PSMF1: variants seen among roughly 807,000 people sequenced by gnomAD.
The protein encoded by PSMF1 is proteasome inhibitor subunit 1, also known as proteasome inhibitor PI31 subunit.
Under a neutral mutation model 29.3 loss-of-function variants are expected in PSMF1, and 30 were observed. The ratio of observed to expected loss-of-function variants is 1.02; its 90% CI spans 0.77 to 1.39. The LOEUF is 1.39. Among genes scored for constraint, PSMF1 ranks in the 40% most tolerant of loss-of-function variants. The pLI is 0.00. For missense variants in PSMF1, 344 were observed against 357.5 expected (o/e 0.96, Z 0.31); for synonymous variants, 134 against 139.7 (o/e 0.96, Z 0.29).
At chr20:1,123,178 A>G (rs546005580) in intron 1 of PSMF1, among the ~76,000 whole-genome samples, 4 of 152,312 alleles carry the variant, frequency 2.6e-5, no homozygotes, top group South Asian at 4.1e-4. Flanking sequence ...AAACCATGAC[A>G]GTTGCGACAT....
chr20:1,121,654 A>T (rs2086089306), intron 1 of PSMF1, among the ~76,000 whole-genome samples: 1 of 152,170 alleles, frequency 6.6e-6, no homozygotes, highest in Admixed American at 6.5e-5. Context: ...GAAGGAGAGG[A>T]AGGTCCCAAG....
intron 1 of PSMF1, among the ~76,000 whole-genome samples, chr20:1,122,404 A>C (rs1011337812): frequency 6.7e-6 from 1 of 149,282 alleles, no homozygotes; most frequent in Non-Finnish European, 1.5e-5. Flanking sequence ...GGTTCAGGCA[A>C]TTCTGCCCCA....
intron 4 of PSMF1, chr20:1,161,134 A>T: frequency 2.5e-6 from 1 of 397,086 alleles, no homozygotes; most frequent in Non-Finnish European, 4.6e-6. Flanking sequence ...GGACCTGACC[A>T]CCTCATGAAG....
chr20:1,165,323 C>G lies in PSMF1; in HGVS notation c.*243C>G. The G allele has an allele frequency of 2.2e-6, 3 of 1,393,998 alleles. No individual in the cohort carries two copies. The highest frequency in any genetic ancestry group is 2.7e-4 in the Middle Eastern group (1 of 3,740). 86.4% of individuals were successfully genotyped at this position (1,393,998 alleles called of 1,614,324 possible). On this transcript the variant is annotated 3_prime_UTR_variant, in exon 7 of 7. Transcript: ENST00000335877. ...GTCTCTTTCACCATCAGCTCCTCCC[C>G]TTTCACCACCAGCTCCTCTCCACTT... is the stretch of plus-strand genomic sequence containing the variant.
rs548258231 is a variant in PSMF1 at position 1,166,539 on chromosome 20, T to G, written c.*1459T>G. On this transcript the variant is annotated 3_prime_UTR_variant, in exon 7 of 7. Coordinates refer to ENST00000335877, the MANE Select transcript of PSMF1 (RefSeq NM_006814.5). Reference sequence around the variant, plus strand: ...GGTAGATGAAAACTAAACTGATGCCTAGGCCCAGGGTCAGTCTCAGATGGA... The same window carrying G: ...GGTAGATGAAAACTAAACTGATGCCGAGGCCCAGGGTCAGTCTCAGATGGA... 4.5e-6 allele frequency: 2 copies of G among 447,732 alleles called. No homozygotes were observed. The highest frequency in any genetic ancestry group is 7.9e-5 in the East Asian group (2 of 25,172). The allele number at this position is 447,732 out of a possible 1,614,324, so 27.7% of individuals were successfully genotyped here.
Position 1,165,076 on chromosome 20 carries a change from TG to T in PSMF1, c.813del (p.Ter272GlufsTer66), listed in dbSNP as rs2086712394. The T allele has an allele frequency of 6.2e-7, 1 of 1,614,058 alleles. No individual in the cohort carries two copies. Among genetic ancestry groups the T allele is most frequent in the African/African-American group, 1.3e-5 (1 of 74,924 alleles). The part of the protein sequence containing the change: ...LPPPGYDDMY[L>X] ...CCGCCGGGCTACGATGACATGTACC[TG>T]TGAAGGCCTCAAGAATGTAACATCC... On this transcript the variant is annotated frameshift_variant, in exon 7 of 7. Coordinates refer to ENST00000335877, the MANE Select transcript of PSMF1 (RefSeq NM_006814.5). LOFTEE classifies it high-confidence loss of function.
At chr20:1,114,213 C>A (rs535947124), upstream of PSMF1, among the ~76,000 whole-genome samples, 1 of 152,334 alleles carries the variant, frequency 6.6e-6, no homozygotes, top group Admixed American at 6.5e-5. Flanking sequence ...CTGAGACATG[C>A]CCCACACTGC....
At chr20:1,146,394 C>T (rs759211767) in intron 4 of PSMF1, among the ~76,000 whole-genome samples, 2 of 151,582 alleles carry the variant, frequency 1.3e-5, no homozygotes. Context: ...TTTAGCTGGA[C>T]AAAAATGATT....
chr20:1,125,661 G>A lies in PSMF1; in HGVS notation c.282+11G>A. ...ATCCTCAATGTGCTGGTGAGTCTCT[G>A]GGACACGTGAGTCTGCTGATGAGAT... On this transcript the variant is annotated intron_variant, in intron 2 of 6. Transcript: ENST00000335877. The A allele has an allele frequency of 6.2e-7, 1 of 1,606,094 alleles. No individual in the cohort carries two copies. The highest frequency in any genetic ancestry group is 8.5e-7 in the Non-Finnish European group (1 of 1,176,512).
chr20:1,124,738 G>T (rs6133961), intron 1 of PSMF1, among the ~76,000 whole-genome samples: 1 of 152,098 alleles, frequency 6.6e-6, no homozygotes. Context: ...GCATTGACAT[G>T]GATACATTTC....
chr20:1,156,626 A>G (rs2086597866), intron 4 of PSMF1, among the ~76,000 whole-genome samples: 1 of 152,254 alleles, frequency 6.6e-6, no homozygotes. Context: ...GGAGAGAAAA[A>G]GAATTGTCAA....
At position 1,165,344 on chromosome 20, in the gene PSMF1, C is replaced by T; in HGVS notation, c.*264C>T. 2 of 1,379,814 alleles carry T rather than the reference C, an allele frequency of 1.4e-6. No homozygotes were observed. Among genetic ancestry groups the T allele is most frequent in the Non-Finnish European group, 1.9e-6 (2 of 1,068,470 alleles). 85.5% of individuals were successfully genotyped at this position (1,379,814 alleles called of 1,614,324 possible). The stretch of plus-strand genomic sequence containing the variant: ...TCCCCTTTCACCACCAGCTCCTCTC[C>T]ACTTCCCAAGGGAGACTCCGGCAAC... On this transcript the variant is annotated 3_prime_UTR_variant, in exon 7 of 7. Coordinates refer to ENST00000335877, the MANE Select transcript of PSMF1 (RefSeq NM_006814.5).
chr20:1,142,848 T>C (rs2086401098), intron 4 of PSMF1, among the ~76,000 whole-genome samples: 1 of 152,256 alleles, frequency 6.6e-6, no homozygotes, highest in Non-Finnish European at 1.5e-5. Context: ...ATCGCCACAC[T>C]GACTTCCACA....
At chr20:1,151,180 G>T (rs1218205639) in intron 4 of PSMF1, among the ~76,000 whole-genome samples, 4 of 152,112 alleles carry the variant, frequency 2.6e-5, no homozygotes, top group Non-Finnish European at 2.9e-5. Flanking sequence ...TACAGCTACT[G>T]TTTATTCAGT....
At chr20:1,156,747 T>C (rs2086599533) in intron 4 of PSMF1, among the ~76,000 whole-genome samples, 1 of 152,160 alleles carries the variant, frequency 6.6e-6, no homozygotes, top group Non-Finnish European at 1.5e-5. Context: ...CAATAGATCT[T>C]CTCAAAAGGA....
chr20:1,152,074 T>G (rs1600166414), intron 4 of PSMF1, among the ~76,000 whole-genome samples: 1 of 152,188 alleles, frequency 6.6e-6, no homozygotes, highest in Non-Finnish European at 1.5e-5. Flanking sequence ...ACCACGGATT[T>G]TTTTTTTTCC....
intron 3 of PSMF1, 57 bp downstream of exon 3, chr20:1,127,565 T>C: frequency 1.4e-6 from 2 of 1,381,254 alleles, no homozygotes; most frequent in African/African-American, 1.4e-5. Flanking sequence ...AATGGCAAGA[T>C]ATGAGGAATA....
At chr20:1,159,075 G>A (rs961684592) in intron 4 of PSMF1, among the ~76,000 whole-genome samples, 3 of 123,174 alleles carry the variant, frequency 2.4e-5, no homozygotes, top group South Asian at 2.6e-4. Flanking sequence ...AAAAAAAGAA[G>A]AAGTAAATGG....
intron 4 of PSMF1, among the ~76,000 whole-genome samples, chr20:1,146,027 C>T (rs1029760111): frequency 1.3e-5 from 2 of 152,132 alleles, no homozygotes; most frequent in African/African-American, 4.8e-5. Flanking sequence ...GGTGAGTCCT[C>T]TATTCAGCAA....
Sources: gnomAD v4.1 joint callset for allele counts (sites outside exome capture counted in the v4.1 genomes callset) on GRCh38, gnomAD v4.1.1 for gene constraint, MANE v1.5 for transcripts, NCBI Gene and HGNC (gene_info 2026-07-23, HGNC 2026-07-21) for gene names.